ZRANB3: variants seen among roughly 807,000 people sequenced by gnomAD.
The protein encoded by ZRANB3 is DNA annealing helicase and endonuclease ZRANB3.
A neutral mutation model predicts 133.8 loss-of-function variants in ZRANB3; 125 were observed. The observed-to-expected ratio is 0.93, with a 90% CI of 0.81 to 1.08. The LOEUF (loss-of-function observed/expected upper bound fraction) is 1.08, where lower values mean the gene tolerates loss of function less well. Among genes scored for constraint, ZRANB3 ranks in the 50% least tolerant of loss-of-function variants. ZRANB3 has a pLI of 0.00. For missense variants in ZRANB3, 1,229 were observed against 1,275.5 expected (o/e 0.96, Z 0.56); for synonymous variants, 387 against 432.7 (o/e 0.89, Z 1.31).
At chr2:135,344,493 C>T (rs1026879217) in intron 6 of ZRANB3, among the ~76,000 whole-genome samples, 1 of 152,070 alleles carries the variant, frequency 6.6e-6, no homozygotes, top group Non-Finnish European at 1.5e-5. Context: ...CCCAGCACTT[C>T]GGGAGGTCAA....
intron 17 of ZRANB3, among the ~76,000 whole-genome samples, chr2:135,216,039 T>C (rs558755095): frequency 2.6e-5 from 4 of 151,952 alleles, no homozygotes; most frequent in African/African-American, 9.6e-5. Flanking sequence ...ACAATTTCTA[T>C]GTCAGTAATA....
intron 2 of ZRANB3, among the ~76,000 whole-genome samples, chr2:135,413,421 A>G (rs1180811717): frequency 6.6e-6 from 1 of 152,218 alleles, no homozygotes; most frequent in Non-Finnish European, 1.5e-5. Flanking sequence ...CCTTCAGTTT[A>G]TAATGGCTAC....
chr2:135,276,109 G>T (rs980526683), intron 8 of ZRANB3, among the ~76,000 whole-genome samples: 1 of 151,790 alleles, frequency 6.6e-6, no homozygotes, highest in African/African-American at 2.4e-5. Context: ...TTATATATAA[G>T]ACCAAGTAGA....
At chr2:135,250,878 G>C (rs1410596962) in intron 12 of ZRANB3, among the ~76,000 whole-genome samples, 1 of 152,246 alleles carries the variant, frequency 6.6e-6, no homozygotes, top group Non-Finnish European at 1.5e-5. Flanking sequence ...TCCTCACACA[G>C]AGTCCCTACT....
At chr2:135,311,230 A>G (rs6430568) in intron 8 of ZRANB3, among the ~76,000 whole-genome samples, 2,658 of 152,322 alleles carry the variant, frequency 0.017, 79 homozygotes, top group African/African-American at 0.06. Context: ...ACCATCAGTC[A>G]TCGGGAAAAG....
At position 135,301,003 on chromosome 2, in the gene ZRANB3, TTCCTCTTCTTTTTGAGAAGAGGAATTCC is replaced by T. The variant is rs542726833; in HGVS notation, c.966+12458_966+12485del. 2.2e-4 allele frequency among the ~76,000 whole-genome samples: 34 copies of T among 152,136 alleles called. No individual in the cohort carries two copies. In the South Asian group the frequency reaches 6.4e-3, roughly 29 times the overall value. On this transcript the variant is annotated intron_variant, in intron 8 of 20. Coordinates refer to ENST00000264159, the MANE Select transcript of ZRANB3 (RefSeq NM_032143.4). ...ACCTCCAGCCTAGTCTCAGTCAGAA[TTCCTCTTCTTTTTGAGAAGAGGAATTCC>T]TCCTCTTCTTCCTCTGTCACCCAGG...
At chr2:135,434,307 C>T (rs891612935) in intron 2 of ZRANB3, among the ~76,000 whole-genome samples, 2 of 152,150 alleles carry the variant, frequency 1.3e-5, no homozygotes, top group South Asian at 4.1e-4. Flanking sequence ...GATACTCTGG[C>T]AGAGGAACAA....
chr2:135,431,988 T>C (rs1369896542), intron 2 of ZRANB3, among the ~76,000 whole-genome samples: 4 of 152,152 alleles, frequency 2.6e-5, no homozygotes, highest in Non-Finnish European at 5.9e-5. Flanking sequence ...TGGTGGCTCA[T>C]GCCTGTAATC....
intron 6 of ZRANB3, among the ~76,000 whole-genome samples, chr2:135,320,337 GAA>G (rs1183656160): frequency 2.0e-5 from 3 of 152,272 alleles, no homozygotes; most frequent in East Asian, 1.9e-4. Context: ...AAATGAATAA[GAA>G]AAATATGTTT....
At chr2:135,393,789 T>C (rs1239947194) in intron 2 of ZRANB3, among the ~76,000 whole-genome samples, 2 of 152,094 alleles carry the variant, frequency 1.3e-5, no homozygotes, top group Non-Finnish European at 2.9e-5. Flanking sequence ...ACTGGTCTAA[T>C]CATCAACTCT....
chr2:135,505,630 T>G (rs899983127), intron 1 of ZRANB3, among the ~76,000 whole-genome samples: 3 of 151,812 alleles, frequency 2.0e-5, no homozygotes, highest in African/African-American at 7.3e-5. Context: ...CTTATATAAC[T>G]ATTGCTCTCT....
chr2:135,218,269 G>A (rs1235001276), intron 16 of ZRANB3, among the ~76,000 whole-genome samples: 1 of 152,156 alleles, frequency 6.6e-6, no homozygotes, highest in East Asian at 1.9e-4. Flanking sequence ...AAAACTGGGT[G>A]ACAGAATGAT....
chr2:135,414,280 C>CA (rs1425047764), intron 2 of ZRANB3, among the ~76,000 whole-genome samples: 1 of 151,320 alleles, frequency 6.6e-6, no homozygotes, highest in Non-Finnish European at 1.5e-5. Context: ...CAATGGAAAA[C>CA]AAAAAAAGGC....
intron 3 of ZRANB3, chr2:135,355,246 G>A (rs1180166703): frequency 1.0e-6 from 1 of 985,218 alleles, no homozygotes; most frequent in Non-Finnish European, 1.2e-6. Flanking sequence ...ATAATAATTA[G>A]TATGTTTCCG....
chr2:135,527,141 G>A (rs1379967386), intron 1 of ZRANB3, among the ~76,000 whole-genome samples: 1 of 152,136 alleles, frequency 6.6e-6, no homozygotes, highest in East Asian at 1.9e-4. Context: ...ATGGGCCATG[G>A]TCACTCATAT....
chr2:135,508,088 A>G (rs1404072496), intron 1 of ZRANB3, among the ~76,000 whole-genome samples: 2 of 152,122 alleles, frequency 1.3e-5, no homozygotes, highest in Non-Finnish European at 2.9e-5. Context: ...TGCCACTTAC[A>G]TGATTTATTT....
chr2:135,440,678 G>T (rs1322226387), intron 2 of ZRANB3, among the ~76,000 whole-genome samples: 1 of 152,126 alleles, frequency 6.6e-6, no homozygotes, highest in African/African-American at 2.4e-5. Flanking sequence ...TTTTTTCCAT[G>T]GATCCTCCAG....
intron 6 of ZRANB3, among the ~76,000 whole-genome samples, chr2:135,318,271 C>T (rs988114910): frequency 7.5e-6 from 1 of 133,914 alleles, no homozygotes; most frequent in Non-Finnish European, 1.6e-5. Flanking sequence ...TTGGGGGCAG[C>T]TACACAAAAG....
chr2:135,226,552 G>A (rs1038297887), intron 14 of ZRANB3, among the ~76,000 whole-genome samples: 25 of 152,150 alleles, frequency 1.6e-4, no homozygotes, highest in African/African-American at 6.0e-4. Flanking sequence ...GTGAATGAGG[G>A]CAAAGCAAAT....
Sources: gnomAD v4.1 joint callset for allele counts (sites outside exome capture counted in the v4.1 genomes callset) on GRCh38, gnomAD v4.1.1 for gene constraint, MANE v1.5 for transcripts, NCBI Gene and HGNC (gene_info 2026-07-23, HGNC 2026-07-21) for gene names.